CACNA1E: variants seen among roughly 807,000 people sequenced by gnomAD.
The protein encoded by CACNA1E is voltage-dependent R-type calcium channel subunit alpha-1E.
Under a neutral mutation model 259.2 loss-of-function variants are expected in CACNA1E, and 40 were observed. That is an observed-to-expected ratio of 0.15 (90% confidence interval 0.12 to 0.20). The LOEUF is 0.20. Ranked by LOEUF, CACNA1E falls within the 10% of genes least tolerant of loss-of-function variation. CACNA1E has a pLI of 1.00. For missense variants in CACNA1E, 1,874 were observed against 3,040.1 expected, an observed-to-expected ratio of 0.62 and a Z score of 9.02; for synonymous variants, 1,104 against 1,138.5, an observed-to-expected ratio of 0.97 and a Z score of 0.61.
In CACNA1E at chr1:181,807,875, T is replaced by G. The variant is rs1471764326; in HGVS notation, c.*9041T>G. The G allele has an allele frequency of 1.3e-5, 2 of 152,200 alleles. No individual in the cohort carries two copies. Among genetic ancestry groups the G allele is most frequent in the Non-Finnish European group, 2.9e-5 (2 of 68,038 alleles). 9.4% of individuals were successfully genotyped at this position (152,200 alleles called of 1,614,324 possible). A position where few individuals can be genotyped will look rare whatever the true frequency, so the allele number is the denominator to read the frequency against. On this transcript the variant is annotated 3_prime_UTR_variant, in exon 48 of 48. Coordinates refer to ENST00000367573, the MANE Select transcript of CACNA1E (RefSeq NM_001205293.3). ...TCAATCATAATTTCTTTCCTGTGGC[T>G]TCTATCACCATTGGAGTTAGAATCT...
intron 7 of CACNA1E, among the ~76,000 whole-genome samples, chr1:181,708,591 A>G (rs1653027404): frequency 6.6e-6 from 1 of 152,214 alleles, no homozygotes; most frequent in African/African-American, 2.4e-5. Flanking sequence ...AGAAATCAAG[A>G]CACAGACCTA....
intron 18 of CACNA1E, among the ~76,000 whole-genome samples, chr1:181,726,728 AG>A (rs1437529805): frequency 2.0e-5 from 3 of 152,282 alleles, no homozygotes; most frequent in Non-Finnish European, 4.4e-5. Context: ...ACTTTTAAAA[AG>A]GTCACTCTGT....
chr1:181,683,885 G>T (rs1415433701), intron 7 of CACNA1E, among the ~76,000 whole-genome samples: 3 of 152,132 alleles, frequency 2.0e-5, no homozygotes, highest in Non-Finnish European at 4.4e-5. Context: ...TGTAAATAGT[G>T]CTGCAATGAA....
At chr1:181,534,600 A>G (rs1298132664) in intron 3 of CACNA1E, among the ~76,000 whole-genome samples, 4 of 152,134 alleles carry the variant, frequency 2.6e-5, no homozygotes, top group Middle Eastern at 3.2e-3. Context: ...AGAAATCCCC[A>G]CTAAAGAATT....
At chr1:181,520,109 A>C (rs1666877853) in intron 3 of CACNA1E, among the ~76,000 whole-genome samples, 1 of 152,258 alleles carries the variant, frequency 6.6e-6, no homozygotes, top group East Asian at 1.9e-4. Context: ...AGAAGGCTTC[A>C]TATTCTATAT....
chr1:181,782,707 A>G (rs1193887670), intron 39 of CACNA1E, among the ~76,000 whole-genome samples: 1 of 152,078 alleles, frequency 6.6e-6, no homozygotes, highest in Non-Finnish European at 1.5e-5. Flanking sequence ...ATAGCATCTC[A>G]CTGGAACATG....
At chr1:181,421,782 C>T (rs1423532660) in intron 2 of CACNA1E, among the ~76,000 whole-genome samples, 1 of 152,248 alleles carries the variant, frequency 6.6e-6, no homozygotes, top group Non-Finnish European at 1.5e-5. Flanking sequence ...TCCATCCCCA[C>T]TGCTACCAAT....
At chr1:181,757,865 C>T in intron 30 of CACNA1E, 82 bp from the exon 31 acceptor site, 1 of 1,476,456 alleles carries the variant, frequency 6.8e-7, no homozygotes, top group Non-Finnish European at 9.3e-7. Flanking sequence ...TCACCGTCCT[C>T]CTCTTCTGAG....
chr1:181,351,769 G>A (rs1391157007), intron 1 of CACNA1E, among the ~76,000 whole-genome samples: 1 of 152,182 alleles, frequency 6.6e-6, no homozygotes, highest in Non-Finnish European at 1.5e-5. Flanking sequence ...TGCCTCTCTC[G>A]TAAGGATATT....
chr1:181,462,358 T>C (rs954601563), intron 2 of CACNA1E, among the ~76,000 whole-genome samples: 1 of 152,234 alleles, frequency 6.6e-6, no homozygotes, highest in Admixed American at 6.5e-5. Context: ...AAGGTTGTGC[T>C]AATTCCAACC....
At chr1:181,447,385 T>A (rs2102320589) in intron 2 of CACNA1E, among the ~76,000 whole-genome samples, 1 of 151,228 alleles carries the variant, frequency 6.6e-6, no homozygotes, top group Middle Eastern at 3.4e-3. Context: ...AAAAAAAAAT[T>A]AGCCAGGCAT....
chr1:181,587,726 A>G (rs989619702), intron 6 of CACNA1E, among the ~76,000 whole-genome samples: 1 of 152,014 alleles, frequency 6.6e-6, no homozygotes, highest in Non-Finnish European at 1.5e-5. Context: ...TACTAAAAAT[A>G]TAAAAAAATA....
chr1:181,725,942 A>T (rs987830905), intron 17 of CACNA1E, 123 bp from the exon 18 acceptor site: 1 of 637,672 alleles, frequency 1.6e-6, no homozygotes, highest in African/African-American at 1.8e-5. Context: ...TGTCTTGTTT[A>T]TCCTCTTCCT....
intron 7 of CACNA1E, among the ~76,000 whole-genome samples, chr1:181,652,924 G>A (rs1658887870): frequency 2.0e-5 from 3 of 151,976 alleles, no homozygotes; most frequent in Admixed American, 2.0e-4. Context: ...AATGTGCGTA[G>A]TCCAGCCCAC....
chr1:181,403,313 C>A (rs1054695142), intron 1 of CACNA1E, among the ~76,000 whole-genome samples: 6 of 151,240 alleles, frequency 4.0e-5, no homozygotes, highest in African/African-American at 1.5e-4. Context: ...AAATATTAAC[C>A]ATTATTTTTA....
rs1653933967 is a variant in CACNA1E at position 181,716,720 on chromosome 1, GT to G, written c.1316-369del. Among the ~76,000 whole-genome samples, 3 of 152,340 alleles carry G rather than the reference GT, an allele frequency of 2.0e-5. 1 individual carries two copies. Among genetic ancestry groups the G allele is most frequent in the Admixed American group, 2.0e-4 (3 of 15,312 alleles). On this transcript the variant is annotated intron_variant, in intron 10 of 47. Transcript: ENST00000367573. ...GAAGAGACTTACAAAGCTCATTGCT[GT>G]TTTGTGCCACCAGTGGTAGAAATAT... is the stretch of plus-strand genomic sequence containing the variant.
chr1:181,688,325 T>G (rs1370294112), intron 7 of CACNA1E, among the ~76,000 whole-genome samples: 1 of 152,222 alleles, frequency 6.6e-6, no homozygotes, highest in Non-Finnish European at 1.5e-5. Flanking sequence ...GTTGGTTCAT[T>G]CACTTCACTT....
chr1:181,482,169 G>A (rs1348539232), upstream of CACNA1E, among the ~76,000 whole-genome samples: 1 of 152,238 alleles, frequency 6.6e-6, no homozygotes, highest in East Asian at 1.9e-4. Context: ...ACTTGGAAAT[G>A]CCTGGCCGTG....
At chr1:181,718,611 A>AACACAC (rs60522141) in intron 12 of CACNA1E, among the ~76,000 whole-genome samples, 2,627 of 124,256 alleles carry the variant, frequency 0.021, 51 homozygotes, top group African/African-American at 0.038. Flanking sequence ...CCCTCATTCA[A>AACACAC]ACACACACAC....
Sources: allele counts gnomAD v4.1 joint callset (sites outside exome capture counted in the v4.1 genomes callset), GRCh38; gene constraint gnomAD v4.1.1; transcripts MANE v1.5; gene names NCBI Gene and HGNC (gene_info 2026-07-23, HGNC 2026-07-21).